Variants in OR2L13 observed in about 807,000 individuals in gnomAD.
OR2L13 encodes olfactory receptor family 2 subfamily L member 13.
OR2L13 carries 14 observed loss-of-function variants against 15.3 expected under a neutral mutation model. The observed-to-expected ratio is 0.91, with a 90% confidence interval of 0.60 to 1.43. OR2L13 has a LOEUF of 1.43. Among genes scored for constraint, OR2L13 ranks in the 40% most tolerant of loss-of-function variants. The pLI is 0.00. For synonymous variants in OR2L13, 152 were observed against 142.9 expected (o/e 1.06, Z -0.45); for missense variants, 367 against 387.9 (o/e 0.95, Z 0.45).
the OR2L13 span, among the ~76,000 whole-genome samples, chr1:247,985,460 T>A: frequency 6.6e-6 from 1 of 152,218 alleles, no homozygotes; most frequent in African/African-American, 2.4e-5. Context: ...TATGGCTGCA[T>A]AGTATTCCAT....
the OR2L13 span, among the ~76,000 whole-genome samples, chr1:248,067,670 T>C: frequency 6.6e-6 from 1 of 152,168 alleles, no homozygotes; most frequent in Non-Finnish European, 1.5e-5. Flanking sequence ...GCGCACCGTG[T>C]GCGAGCCGAA....
the OR2L13 span, among the ~76,000 whole-genome samples, chr1:247,992,575 C>T: frequency 1.3e-5 from 2 of 152,130 alleles, no homozygotes; most frequent in African/African-American, 4.8e-5. Flanking sequence ...ATATTTATGT[C>T]CATGTGTGGG....
At chr1:248,021,257 T>C in the OR2L13 span, among the ~76,000 whole-genome samples, 1 of 152,194 alleles carries the variant, frequency 6.6e-6, no homozygotes. Flanking sequence ...ATTTGTCTCA[T>C]CAAATATTAA....
the OR2L13 span, among the ~76,000 whole-genome samples, chr1:247,946,770 T>C: frequency 6.6e-6 from 1 of 152,150 alleles, no homozygotes; most frequent in African/African-American, 2.4e-5. Flanking sequence ...CCTTCTCCCA[T>C]TGTCACAGCA....
intron 1 of OR2L13, among the ~76,000 whole-genome samples, chr1:248,097,638 G>T (rs764910932): frequency 6.6e-6 from 1 of 152,122 alleles, no homozygotes; most frequent in Non-Finnish European, 1.5e-5. Flanking sequence ...ATGCAACAAA[G>T]AATCAAAATG....
chr1:247,949,920 C>T, the OR2L13 span: 136 of 641,690 alleles, frequency 2.1e-4, no homozygotes, highest in African/African-American at 2.3e-3. Context: ...AAGAAAATCA[C>T]TGATATATGG....
chr1:247,997,311 A>T, the OR2L13 span, among the ~76,000 whole-genome samples: 5 of 151,248 alleles, frequency 3.3e-5, no homozygotes, highest in Admixed American at 2.0e-4. Flanking sequence ...AAATTTATTC[A>T]ATTACTATTT....
chr1:247,987,384 G>T, the OR2L13 span, among the ~76,000 whole-genome samples: 1 of 151,610 alleles, frequency 6.6e-6, no homozygotes, highest in Non-Finnish European at 1.5e-5. Context: ...CTATTGCTTT[G>T]GCTGAACTTC....
At chr1:247,984,859 A>C in the OR2L13 span, among the ~76,000 whole-genome samples, 2 of 151,308 alleles carry the variant, frequency 1.3e-5, no homozygotes, top group African/African-American at 4.9e-5. Flanking sequence ...TCCAACTAAA[A>C]TTTTGTTCCC....
chr1:248,078,734 A>G, the OR2L13 span, among the ~76,000 whole-genome samples: 1 of 152,180 alleles, frequency 6.6e-6, no homozygotes, highest in African/African-American at 2.4e-5. Flanking sequence ...GTTCTTCAAT[A>G]CAAATGCATA....
the OR2L13 span, among the ~76,000 whole-genome samples, chr1:247,948,040 C>A: frequency 6.6e-6 from 1 of 152,034 alleles, no homozygotes; most frequent in Non-Finnish European, 1.5e-5. Context: ...CACAGTGACA[C>A]TTCATGTCTA....
At chr1:247,966,213 C>G in the OR2L13 span, 1 of 1,613,556 alleles carries the variant, frequency 6.2e-7, no homozygotes, top group East Asian at 2.2e-5. Context: ...TATTTTACAC[C>G]ATTGTCACAC....
the OR2L13 span, among the ~76,000 whole-genome samples, chr1:248,026,586 TG>T: frequency 6.6e-6 from 1 of 152,184 alleles, no homozygotes; most frequent in African/African-American, 2.4e-5. Context: ...TATATATTGG[TG>T]TTGCGGGAAG....
chr1:248,063,126 A>G, the OR2L13 span: 1 of 152,198 alleles, frequency 6.6e-6, no homozygotes, highest in Non-Finnish European at 1.5e-5. Context: ...TTTACTATTT[A>G]TGTGCAGAAT....
At chr1:248,081,145 G>A in the OR2L13 span, among the ~76,000 whole-genome samples, 5 of 152,026 alleles carry the variant, frequency 3.3e-5, no homozygotes, top group Non-Finnish European at 7.4e-5. Context: ...TGAAGATTTT[G>A]AAGATTTTCT....
the OR2L13 span, among the ~76,000 whole-genome samples, chr1:248,028,680 G>A: frequency 4.9e-4 from 74 of 152,158 alleles, no homozygotes; most frequent in East Asian, 2.9e-3. Context: ...CAATTTCTAC[G>A]TCCAGGAAAC....
chr1:248,093,349 C>G (rs901575998), upstream of OR2L13, among the ~76,000 whole-genome samples: 9 of 152,142 alleles, frequency 5.9e-5, no homozygotes, highest in Admixed American at 5.9e-4. Context: ...GATGCATCAT[C>G]ATATATTGGA....
At chr1:248,085,418 T>TTAA in the OR2L13 span, among the ~76,000 whole-genome samples, 1 of 27,590 alleles carries the variant, frequency 3.6e-5, no homozygotes, top group African/African-American at 5.8e-5. Context: ...TAAAATAAAA[T>TTAA]AATAAAATAA....
the OR2L13 span, among the ~76,000 whole-genome samples, chr1:248,001,452 T>C: frequency 6.6e-6 from 1 of 151,902 alleles, no homozygotes; most frequent in African/African-American, 2.4e-5. Flanking sequence ...ATACTGAATT[T>C]TTAGTGAAAA....
Sources: allele counts gnomAD v4.1 joint callset (sites outside exome capture counted in the v4.1 genomes callset), GRCh38; gene constraint gnomAD v4.1.1; transcripts MANE v1.5; gene names NCBI Gene and HGNC (gene_info 2026-07-23, HGNC 2026-07-21).